RGS7: variants seen among roughly 807,000 people sequenced by gnomAD.
The protein encoded by RGS7 is regulator of G protein signaling 7, also known as regulator of G-protein signaling 7.
In RGS7, 27 loss-of-function variants were observed where a neutral mutation model predicts 81.1. That is an observed-to-expected ratio of 0.33 (90% CI 0.25 to 0.46). The LOEUF is 0.46. Among genes scored for constraint, RGS7 ranks in the 20% least tolerant of loss-of-function variants. The pLI, the probability that RGS7 is intolerant of heterozygous loss-of-function variation, is 1.00. For missense variants in RGS7, 396 were observed against 607.4 expected, an observed-to-expected ratio of 0.65 and a Z score of 3.66; for synonymous variants, 208 against 207.7, an observed-to-expected ratio of 1.00 and a Z score of -0.01.
At chr1:240,784,296 T>A (rs189516132) in intron 18 of RGS7, among the ~76,000 whole-genome samples, 42 of 152,062 alleles carry the variant, frequency 2.8e-4, no homozygotes, top group Admixed American at 9.8e-4. Flanking sequence ...TTTTAAAGGG[T>A]GGCTATGAAA....
intron 16 of RGS7, 96 bp downstream of exon 16, chr1:240,802,808 A>G (rs961199391): frequency 1.2e-6 from 1 of 839,042 alleles, no homozygotes; most frequent in Non-Finnish European, 2.1e-6. Flanking sequence ...TTCACTTACC[A>G]TTAGTCCAAT....
intron 3 of RGS7, among the ~76,000 whole-genome samples, chr1:241,036,240 A>G (rs891890911): frequency 2.0e-5 from 3 of 152,252 alleles, no homozygotes; most frequent in Non-Finnish European, 4.4e-5. Flanking sequence ...AATAAAAGAA[A>G]GACAAGTTAC....
chr1:241,146,164 A>C (rs2103106024), intron 2 of RGS7, among the ~76,000 whole-genome samples: 1 of 152,290 alleles, frequency 6.6e-6, no homozygotes, highest in Non-Finnish European at 1.5e-5. Flanking sequence ...CCACGGATTC[A>C]ACTAACCAAG....
intron 2 of RGS7, among the ~76,000 whole-genome samples, chr1:241,321,800 T>G (rs2081230033): frequency 6.6e-6 from 1 of 152,160 alleles, no homozygotes; most frequent in Admixed American, 6.5e-5. Context: ...CAATCAGCGC[T>G]CAAAAATGTG....
chr1:241,151,705 T>C (rs896798595), intron 2 of RGS7, among the ~76,000 whole-genome samples: 3 of 151,954 alleles, frequency 2.0e-5, no homozygotes, highest in African/African-American at 7.3e-5. Flanking sequence ...GCCACAACAC[T>C]TGGGTTACAC....
intron 2 of RGS7, among the ~76,000 whole-genome samples, chr1:241,237,653 AT>A (rs2076050340): frequency 6.6e-6 from 1 of 152,228 alleles, no homozygotes; most frequent in African/African-American, 2.4e-5. Flanking sequence ...TTTTAAAACA[AT>A]GTTGAGAAAC....
chr1:240,928,627 T>C (rs2148335049), intron 6 of RGS7, among the ~76,000 whole-genome samples: 2 of 147,690 alleles, frequency 1.4e-5, no homozygotes, highest in South Asian at 4.2e-4. Flanking sequence ...TTTTTTTTTT[T>C]AGACGGAGTC....
At chr1:241,315,336 G>A (rs575107914) in intron 2 of RGS7, among the ~76,000 whole-genome samples, 12 of 151,664 alleles carry the variant, frequency 7.9e-5, no homozygotes, top group South Asian at 4.2e-4. Flanking sequence ...TTCCCCAGCC[G>A]TGCTCTCCTG....
chr1:241,263,007 G>A (rs1052725085), intron 2 of RGS7, among the ~76,000 whole-genome samples: 2 of 152,154 alleles, frequency 1.3e-5, no homozygotes, highest in African/African-American at 4.8e-5. Context: ...GCTAGGGCAA[G>A]AGAATCCCTT....
intron 2 of RGS7, among the ~76,000 whole-genome samples, chr1:241,101,606 A>G (rs2064748728): frequency 6.6e-6 from 1 of 152,226 alleles, no homozygotes; most frequent in Non-Finnish European, 1.5e-5. Context: ...TTCTTTTGTA[A>G]TAAAGATCTG....
At chr1:241,116,192 C>T (rs182647913) in intron 2 of RGS7, among the ~76,000 whole-genome samples, 118 of 152,180 alleles carry the variant, frequency 7.8e-4, no homozygotes, top group African/African-American at 2.7e-3. Context: ...CCTATATTTA[C>T]ACTACTCTAA....
chr1:241,202,512 T>C (rs963242702), intron 2 of RGS7, among the ~76,000 whole-genome samples: 2 of 152,178 alleles, frequency 1.3e-5, no homozygotes, highest in African/African-American at 4.8e-5. Flanking sequence ...TGTCCATTTT[T>C]ATGCTTAGAT....
intron 9 of RGS7, among the ~76,000 whole-genome samples, chr1:240,854,595 G>A (rs1357057297): frequency 6.6e-6 from 1 of 152,200 alleles, no homozygotes; most frequent in Non-Finnish European, 1.5e-5. Flanking sequence ...TCCCTGCCAT[G>A]TGATGCCATC....
intron 6 of RGS7, among the ~76,000 whole-genome samples, chr1:240,890,625 C>T (rs1668142787): frequency 6.6e-6 from 1 of 151,974 alleles, no homozygotes. Flanking sequence ...TAACATTTCA[C>T]TAGCATTTGC....
At chr1:241,064,504 G>A (rs2061945023) in intron 3 of RGS7, among the ~76,000 whole-genome samples, 1 of 151,828 alleles carries the variant, frequency 6.6e-6, no homozygotes, top group Non-Finnish European at 1.5e-5. Context: ...GGGAGGATCT[G>A]CTTGAGCCAG....
In RGS7 at chr1:240,940,082, AAAATT is replaced by A. The variant is rs942143206; in HGVS notation, c.227-3381_227-3377del. 3.9e-5 allele frequency among the ~76,000 whole-genome samples: 6 copies of A among 152,202 alleles called. 1 individual carries two copies. In the South Asian group the frequency reaches 6.2e-4, roughly 16 times the overall value. ...GCGACAGAACAACACTCTATCTCAAAAAATTAAATTAAATTAAATTAAGAAATAAA... is the reference window on the plus strand; with the variant it reads ...GCGACAGAACAACACTCTATCTCAAAAAATTAAATTAAATTAAGAAATAAA... On this transcript the variant is annotated intron_variant, in intron 4 of 18. Coordinates refer to ENST00000440928, the MANE Select transcript of RGS7 (RefSeq NM_001364886.1).
chr1:240,990,943 T>C (rs1469910226), intron 3 of RGS7, among the ~76,000 whole-genome samples: 3 of 152,248 alleles, frequency 2.0e-5, no homozygotes, highest in Admixed American at 6.5e-5. Flanking sequence ...TTCTAGGTTG[T>C]TGCTCTTTAG....
At chr1:240,923,121 A>G (rs1673854690) in intron 6 of RGS7, among the ~76,000 whole-genome samples, 1 of 152,126 alleles carries the variant, frequency 6.6e-6, no homozygotes, top group South Asian at 2.1e-4. Flanking sequence ...TTCCAACCCT[A>G]TGACATTCTG....
chr1:240,975,696 C>A (rs988628174), intron 4 of RGS7, among the ~76,000 whole-genome samples: 2 of 152,096 alleles, frequency 1.3e-5, no homozygotes, highest in Non-Finnish European at 2.9e-5. Flanking sequence ...TAAATTTGCT[C>A]AAAATATTAT....
Sources: gnomAD v4.1 joint callset for allele counts (sites outside exome capture counted in the v4.1 genomes callset) on GRCh38, gnomAD v4.1.1 for gene constraint, MANE v1.5 for transcripts, NCBI Gene and HGNC (gene_info 2026-07-23, HGNC 2026-07-21) for gene names.